The following SH3D19 variants were observed in gnomAD, a reference collection of about 807,000 sequenced individuals.
SH3D19 encodes SH3 domain-containing protein 19.
A neutral mutation model predicts 112.1 loss-of-function variants in SH3D19; 58 were observed. The observed-to-expected ratio is 0.52, with a 90% CI of 0.42 to 0.64. The LOEUF (loss-of-function observed/expected upper bound fraction) is 0.64, where lower values mean the gene tolerates loss of function less well. Among genes scored for constraint, SH3D19 ranks in the 30% least tolerant of loss-of-function variants. The pLI, the probability that SH3D19 is intolerant of heterozygous loss-of-function variation, is 0.00. For synonymous variants in SH3D19, 391 were observed against 448.5 expected (o/e 0.87, Z 1.62); for missense variants, 1,090 against 1,263.4 (o/e 0.86, Z 2.08).
intron 9 of SH3D19, among the ~76,000 whole-genome samples, chr4:151,156,863 A>G (rs1756215194): frequency 6.6e-6 from 1 of 152,224 alleles, no homozygotes; most frequent in South Asian, 2.1e-4. Context: ...CAACCAACAG[A>G]GTGAAAAGAC....
intron 1 of SH3D19, among the ~76,000 whole-genome samples, chr4:151,297,487 T>C (rs563113574): frequency 7.4e-4 from 112 of 152,234 alleles, no homozygotes; most frequent in African/African-American, 2.4e-3. Flanking sequence ...CTGCTTTTAG[T>C]GAAAATTAGT....
At chr4:151,143,787 G>T in intron 12 of SH3D19, 123 bp downstream of exon 12, 1 of 1,125,678 alleles carries the variant, frequency 8.9e-7, no homozygotes, top group Non-Finnish European at 1.3e-6. Flanking sequence ...AAATGCTACT[G>T]TAATTTTTAC....
intron 19 of SH3D19, among the ~76,000 whole-genome samples, chr4:151,125,516 G>T (rs1446423995): frequency 6.9e-6 from 1 of 144,070 alleles, no homozygotes; most frequent in Non-Finnish European, 1.5e-5. Context: ...AAGAAAGAAA[G>T]AAAGAAAGGA....
At chr4:151,222,679 T>TTC (rs1768288239) in intron 2 of SH3D19, among the ~76,000 whole-genome samples, 1 of 145,272 alleles carries the variant, frequency 6.9e-6, no homozygotes, top group African/African-American at 2.5e-5. Flanking sequence ...TTTTTTTTTT[T>TTC]TTTTTTTTTT....
chr4:151,276,629 A>AC (rs1003878875), intron 1 of SH3D19, among the ~76,000 whole-genome samples: 12 of 151,856 alleles, frequency 7.9e-5, no homozygotes, highest in Admixed American at 6.6e-4. Flanking sequence ...CCTACTACCC[A>AC]CCCAAGAGCT....
In SH3D19 at chr4:151,124,989, G is replaced by A. The variant is rs142060398; in HGVS notation, c.3027+2629C>T. On this transcript the variant is annotated intron_variant, in intron 19 of 19. Transcript: ENST00000604030. ...AATTCAGATTCTTCACTTGCAGTAA[G>A]TTTATGTAAAGATAAACGGGATACA... Among the ~76,000 whole-genome samples, 4 of 152,266 alleles carry A rather than the reference G, an allele frequency of 2.6e-5. No individual in the cohort carries two copies. In the East Asian group the frequency reaches 7.7e-4, roughly 29 times the overall value.
At chr4:151,300,906 G>A (rs1000307407) in intron 1 of SH3D19, among the ~76,000 whole-genome samples, 5 of 152,188 alleles carry the variant, frequency 3.3e-5, no homozygotes, top group Non-Finnish European at 7.3e-5. Flanking sequence ...AATAGAATCT[G>A]GTAATTGACT....
At chr4:151,139,466 T>A (rs935473493) in intron 13 of SH3D19, among the ~76,000 whole-genome samples, 1 of 152,186 alleles carries the variant, frequency 6.6e-6, no homozygotes, top group Non-Finnish European at 1.5e-5. Flanking sequence ...ACCCACTATT[T>A]TGAAAGAGTT....
intron 1 of SH3D19, among the ~76,000 whole-genome samples, chr4:151,258,505 AACTTAG>A (rs1772116836): frequency 6.6e-6 from 1 of 152,176 alleles, no homozygotes; most frequent in South Asian, 2.1e-4. Flanking sequence ...GAAGTGTGTG[AACTTAG>A]ACTTGTTCAA....
chr4:151,304,429 A>G, intron 1 of SH3D19, among the ~76,000 whole-genome samples: 1 of 152,150 alleles, frequency 6.6e-6, no homozygotes, highest in Non-Finnish European at 1.5e-5. Context: ...GTTAGCCTGC[A>G]TTCCTGGTAC....
Position 151,159,266 on chromosome 4 carries a change from T to C in SH3D19, c.1729A>G (p.Ser577Gly). Residue 577 changes from serine to glycine, a missense_variant, in exon 9 of 20, where the codon AGT becomes GGT. By Grantham distance (56) the Ser-to-Gly change is moderately conservative (BLOSUM62 0). Transcript: ENST00000604030. Reference sequence around the variant, plus strand: ...AAGTTTCTAGTTCTCTCAACATTACTGAGCTTTCCAGATACTGTACTGAAA... The same window carrying C: ...AAGTTTCTAGTTCTCTCAACATTACCGAGCTTTCCAGATACTGTACTGAAA... ...NTFSTVSGKL[S>G]NVERTRNLES... The C allele has an allele frequency of 6.4e-7, 1 of 1,553,310 alleles. No individual in the cohort carries two copies. Among genetic ancestry groups the C allele is most frequent in the South Asian group, 1.3e-5 (1 of 77,260 alleles).
intron 1 of SH3D19, among the ~76,000 whole-genome samples, chr4:151,239,422 T>C (rs1363053957): frequency 6.6e-6 from 1 of 152,180 alleles, no homozygotes; most frequent in African/African-American, 2.4e-5. Flanking sequence ...TGTTTTTTTT[T>C]AGGGGTGGAT....
At chr4:151,267,522 T>G (rs1772900743) in intron 1 of SH3D19, among the ~76,000 whole-genome samples, 1 of 152,250 alleles carries the variant, frequency 6.6e-6, no homozygotes, top group South Asian at 2.1e-4. Context: ...TTTTTCCTTC[T>G]GAATAGATAA....
chr4:151,166,617 C>T (rs749681893), intron 7 of SH3D19, among the ~76,000 whole-genome samples: 6 of 151,936 alleles, frequency 3.9e-5, no homozygotes, highest in Non-Finnish European at 7.4e-5. Context: ...TTTTATTTAA[C>T]AAGAGGCGAA....
intron 2 of SH3D19, among the ~76,000 whole-genome samples, chr4:151,214,914 T>G (rs79470813): frequency 2.9e-5 from 4 of 139,650 alleles, no homozygotes; most frequent in African/African-American, 1.0e-4. Context: ...ACTTCTCAGA[T>G]GGGGCGGTTG....
At chr4:151,134,636 G>C (rs1751434931) in intron 15 of SH3D19, among the ~76,000 whole-genome samples, 1 of 152,176 alleles carries the variant, frequency 6.6e-6, no homozygotes, top group Admixed American at 6.5e-5. Context: ...GCTGAGACCA[G>C]GCTGCAGGAA....
chr4:151,275,825 CTATTATTAT>C lies in SH3D19; in HGVS notation c.112+49407_112+49415del, dbSNP rs1200765508. 3.6e-3 allele frequency among the ~76,000 whole-genome samples: 510 copies of C among 143,462 alleles called. 5 individuals are homozygous for C. Among genetic ancestry groups the C allele is most frequent in the Middle Eastern group, 0.011 (3 of 270 alleles). 94.1% of individuals were successfully genotyped at this position (143,462 alleles called of 152,430 possible). On this transcript the variant is annotated intron_variant, in intron 1 of 19. Transcript: ENST00000604030. ...CGTAAGCTACCACGCCCAGCCACTT[CTATTATTAT>C]TATTATTATTATTATTTTTTTTTTT...
intron 2 of SH3D19, among the ~76,000 whole-genome samples, chr4:151,198,802 C>T (rs956622293): frequency 6.6e-6 from 1 of 152,080 alleles, no homozygotes; most frequent in Admixed American, 6.6e-5. Flanking sequence ...ATAGGCAGCT[C>T]TTAAGGAGTT....
At chr4:151,212,095 G>A (rs1766065270) in intron 2 of SH3D19, among the ~76,000 whole-genome samples, 1 of 152,240 alleles carries the variant, frequency 6.6e-6, no homozygotes, top group Non-Finnish European at 1.5e-5. Context: ...GCTGACTTTT[G>A]TTAGAGGCTA....
Sources: gnomAD v4.1 joint callset for allele counts (sites outside exome capture counted in the v4.1 genomes callset) on GRCh38, gnomAD v4.1.1 for gene constraint, MANE v1.5 for transcripts, NCBI Gene and HGNC (gene_info 2026-07-23, HGNC 2026-07-21) for gene names.